The following RRM2 variants were observed in gnomAD, a reference collection of about 807,000 sequenced individuals.
RRM2 encodes the protein ribonucleotide reductase regulatory subunit M2.
Under a neutral mutation model 45.9 loss-of-function variants are expected in RRM2, and 6 were observed. That is an observed-to-expected ratio of 0.13 (90% CI 0.07 to 0.26). The LOEUF (loss-of-function observed/expected upper bound fraction) is 0.26, where lower values mean the gene tolerates loss of function less well. RRM2 is among the 10% of genes least tolerant of loss of function. RRM2 has a pLI of 1.00. For synonymous variants in RRM2, 177 were observed against 173.0 expected (o/e 1.02, Z -0.18); for missense variants, 343 against 489.5 (o/e 0.70, Z 2.82).
In RRM2 at chr2:10,205,880, C is replaced by T. The variant is rs1467675598; in HGVS notation, n.483-4431C>T. On this transcript the variant is annotated intron_variant and non_coding_transcript_variant, in intron 3 of 3. Transcript: ENST00000381786. The surrounding 1 kb of genome is among the most constrained non-coding windows in gnomAD (Gnocchi z 4.8). Reference sequence around the variant, plus strand: ...ATAATTTTTGTATTTTTAGTGGAGACGAGGTTTTCACCACGTTGACCAGGC... The same window carrying T: ...ATAATTTTTGTATTTTTAGTGGAGATGAGGTTTTCACCACGTTGACCAGGC... 1.3e-5 allele frequency among the ~76,000 whole-genome samples: 2 copies of T among 151,894 alleles called. No individual in the cohort carries two copies. Among genetic ancestry groups the T allele is most frequent in the Admixed American group, 6.6e-5 (1 of 15,258 alleles).
intron 3 of RRM2, among the ~76,000 whole-genome samples, chr2:10,184,708 G>A (rs992215308): frequency 6.6e-6 from 1 of 152,206 alleles, no homozygotes; most frequent in African/African-American, 2.4e-5. Flanking sequence ...CATGGGTTTG[G>A]GGCAGGCCCA....
At chr2:10,191,135 C>T (rs1449034278) in intron 3 of RRM2, among the ~76,000 whole-genome samples, 5 of 152,192 alleles carry the variant, frequency 3.3e-5, no homozygotes, top group Non-Finnish European at 5.9e-5. Flanking sequence ...GTGCTGAGGA[C>T]AAGGAAGTCA....
At chr2:10,192,578 G>A (rs1400117534) in intron 3 of RRM2, 2 of 154,676 alleles carry the variant, frequency 1.3e-5, no homozygotes, top group African/African-American at 2.4e-5. Flanking sequence ...AGTGGAAAAG[G>A]GGCCGGGAGA....
upstream of RRM2, among the ~76,000 whole-genome samples, chr2:10,137,161 C>A (rs560660818): frequency 1.3e-5 from 2 of 152,192 alleles, no homozygotes; most frequent in Admixed American, 1.3e-4. Context: ...AGATGATTGC[C>A]CCCATTTTAC....
At chr2:10,187,874 A>T (rs990959033) in intron 3 of RRM2, among the ~76,000 whole-genome samples, 3 of 152,144 alleles carry the variant, frequency 2.0e-5, no homozygotes, top group African/African-American at 7.2e-5. Context: ...ATGCTCCCTG[A>T]TGCCACGGTT....
chr2:10,165,514 C>T (rs1663659207), intron 3 of RRM2, among the ~76,000 whole-genome samples: 1 of 152,230 alleles, frequency 6.6e-6, no homozygotes, highest in South Asian at 2.1e-4. Context: ...ATTTAACCGG[C>T]TGGGGACCAA....
intron 3 of RRM2, among the ~76,000 whole-genome samples, chr2:10,201,059 G>A (rs1430944022): frequency 1.3e-5 from 2 of 151,402 alleles, no homozygotes; most frequent in Non-Finnish European, 2.9e-5. Flanking sequence ...GAGGCAGGGA[G>A]AATTGCTTGA....
At chr2:10,140,829 C>G (rs969598938), upstream of RRM2, among the ~76,000 whole-genome samples, 10 of 152,112 alleles carry the variant, frequency 6.6e-5, no homozygotes, top group Non-Finnish European at 1.0e-4. Flanking sequence ...TTTAAATTTT[C>G]CTATAATGTT....
downstream of RRM2, among the ~76,000 whole-genome samples, chr2:10,133,764 G>T (rs1260010232): frequency 9.4e-5 from 14 of 148,854 alleles, no homozygotes; most frequent in African/African-American, 3.5e-4. Flanking sequence ...TTAAGGTTCA[G>T]TAGTCATGTT....
chr2:10,210,298 C>T (rs1306637162), intron 3 of RRM2: 2 of 1,361,920 alleles, frequency 1.5e-6, no homozygotes, highest in Admixed American at 1.9e-5. Flanking sequence ...ATCTTTCTTT[C>T]CTGTCCAATC....
chr2:10,128,426 G>A (rs774394290), intron 7 of RRM2, among the ~76,000 whole-genome samples: 9 of 152,330 alleles, frequency 5.9e-5, no homozygotes, highest in Middle Eastern at 3.4e-3. Flanking sequence ...GCAGTAACTT[G>A]CAAACTTGAT....
At chr2:10,194,457 G>T (rs1572530216) in intron 3 of RRM2, among the ~76,000 whole-genome samples, 1 of 152,196 alleles carries the variant, frequency 6.6e-6, no homozygotes, top group African/African-American at 2.4e-5. Context: ...AATGGGATGG[G>T]GTGTGTGTGT....
At chr2:10,137,177 T>C (rs1663002475), upstream of RRM2, among the ~76,000 whole-genome samples, 2 of 152,170 alleles carry the variant, frequency 1.3e-5, no homozygotes, top group African/African-American at 4.8e-5. Context: ...TTTACAGATA[T>C]GGCCGGGAGG....
At chr2:10,196,153 C>T (rs537624376) in intron 3 of RRM2, among the ~76,000 whole-genome samples, 6 of 152,260 alleles carry the variant, frequency 3.9e-5, no homozygotes, top group South Asian at 4.1e-4. Flanking sequence ...CAAGACCCTG[C>T]GGCACTGCAG....
chr2:10,177,710 T>TCTCTCC (rs1663952118), intron 3 of RRM2, among the ~76,000 whole-genome samples: 3 of 116,584 alleles, frequency 2.6e-5, no homozygotes, highest in African/African-American at 9.6e-5. Flanking sequence ...TTCCTTCCTC[T>TCTCTCC]CTCCCTCCCT....
intron 3 of RRM2, among the ~76,000 whole-genome samples, chr2:10,164,197 T>C (rs1157080600): frequency 1.3e-5 from 2 of 152,134 alleles, no homozygotes; most frequent in East Asian, 3.8e-4. Flanking sequence ...CTTTTTACAT[T>C]ATTTTAAAGA....
intron 3 of RRM2, among the ~76,000 whole-genome samples, chr2:10,209,922 T>C (rs1291540597): frequency 6.6e-6 from 1 of 152,220 alleles, no homozygotes; most frequent in Non-Finnish European, 1.5e-5. Context: ...AGCTGAAATC[T>C]GTGCCACTCG....
At chr2:10,133,402 C>T (rs1662936810), downstream of RRM2, among the ~76,000 whole-genome samples, 1 of 152,240 alleles carries the variant, frequency 6.6e-6, no homozygotes. Context: ...CTTTGTCATG[C>T]AAAGGAGGAA....
rs778037879 is a variant in RRM2, at chr2:10,129,396, A to G, written c.*10A>G. 1.3e-6 allele frequency: 2 copies of G among 1,594,384 alleles called. No individual in the cohort carries two copies. Among genetic ancestry groups the G allele is most frequent in the Non-Finnish European group, 1.7e-6 (2 of 1,174,248 alleles). The stretch of plus-strand genomic sequence containing the variant: ...GGATGCTGACTTCTAAATGAACTGA[A>G]GATGTGCCCTTACTTGGCTGATTTT... On this transcript the variant is annotated 3_prime_UTR_variant, in exon 10 of 10. Transcript: ENST00000304567. The surrounding 1 kb of genome is among the most constrained non-coding windows in gnomAD (Gnocchi z 4.8).
Sources: gnomAD v4.1 joint callset for allele counts (sites outside exome capture counted in the v4.1 genomes callset) on GRCh38, gnomAD v4.1.1 for gene constraint, Gnocchi (gnomAD v3.1) non-coding constraint, MANE v1.5 for transcripts, NCBI Gene and HGNC (gene_info 2026-07-23, HGNC 2026-07-21) for gene names.